The following MAGI1 variants were observed in gnomAD, a reference collection of about 807,000 sequenced individuals.
MAGI1 encodes the protein membrane-associated guanylate kinase, WW and PDZ domain-containing protein 1.
MAGI1 carries 58 observed loss-of-function variants against 139.9 expected under a neutral mutation model. The observed-to-expected ratio is 0.41, with a 90% CI of 0.34 to 0.52. The LOEUF (loss-of-function observed/expected upper bound fraction) is 0.52. MAGI1 is among the 20% of genes least tolerant of loss of function. The probability of loss-of-function intolerance (pLI) is 0.12; values close to 1 mark genes in which losing one functional copy is unlikely to be tolerated. For missense variants in MAGI1, 1,874 were observed against 1,901.6 expected, an observed-to-expected ratio of 0.99 and a Z score of 0.27; for synonymous variants, 812 against 737.9, an observed-to-expected ratio of 1.10 and a Z score of -1.63.
In MAGI1 at chr3:65,493,077, C is replaced by CAA. The variant is rs11412426; in HGVS notation, c.550+433_550+434dup. Among the ~76,000 whole-genome samples the CAA allele has an allele frequency of 9.7e-3, 1,061 of 109,782 alleles. 24 individuals carry two copies. Among genetic ancestry groups the CAA allele is most frequent in the African/African-American group, 0.031 (865 of 27,490 alleles). 72.0% of individuals were successfully genotyped at this position (109,782 alleles called of 152,430 possible). On this transcript the variant is annotated intron_variant, in intron 3 of 22. Transcript: ENST00000402939. Reference sequence around the variant, plus strand: ...TGGGCGACAGAGCGAGACTCCGTCTCAAAAAAAAAAAAAAAAAAGTTTGCT... The same window carrying CAA: ...TGGGCGACAGAGCGAGACTCCGTCTCAAAAAAAAAAAAAAAAAAAAGTTTGCT...
At chr3:65,531,676 AGCATTAAGAACATACACGCCTTG>A (rs2078718716) in intron 2 of MAGI1, among the ~76,000 whole-genome samples, 1 of 152,176 alleles carries the variant, frequency 6.6e-6, no homozygotes, top group Admixed American at 6.5e-5. Flanking sequence ...GGAATAAAAT[AGCATTAAGAACATACACGCCTTG>A]GGGCCAGACT....
chr3:65,716,160 T>C (rs1343455238), intron 1 of MAGI1, among the ~76,000 whole-genome samples: 1 of 152,222 alleles, frequency 6.6e-6, no homozygotes, highest in African/African-American at 2.4e-5. Flanking sequence ...TTAGACACCA[T>C]CTTCTTAGGA....
chr3:65,706,773 C>T (rs1272038069), intron 1 of MAGI1, among the ~76,000 whole-genome samples: 1 of 151,984 alleles, frequency 6.6e-6, no homozygotes, highest in Non-Finnish European at 1.5e-5. Context: ...GTGGGGGGAA[C>T]AGTATGGGAT....
At chr3:65,939,326 AT>A (rs1368072248) in intron 1 of MAGI1, among the ~76,000 whole-genome samples, 1 of 152,218 alleles carries the variant, frequency 6.6e-6, no homozygotes, top group African/African-American at 2.4e-5. Flanking sequence ...TTATTAAAAA[AT>A]ATACAAACAT....
chr3:65,422,633 C>A (rs560348205), intron 12 of MAGI1, among the ~76,000 whole-genome samples: 1 of 152,086 alleles, frequency 6.6e-6, no homozygotes, highest in East Asian at 1.9e-4. Flanking sequence ...GTGATTGCAA[C>A]CAAGTCCCTT....
chr3:65,525,831 A>G (rs2078354249), intron 2 of MAGI1, among the ~76,000 whole-genome samples: 1 of 152,208 alleles, frequency 6.6e-6, no homozygotes, highest in South Asian at 2.1e-4. Context: ...ACAAGTATAC[A>G]ATTAGTAGGT....
intron 2 of MAGI1, among the ~76,000 whole-genome samples, chr3:65,547,637 G>A (rs2079566598): frequency 2.0e-5 from 3 of 152,058 alleles, no homozygotes; most frequent in Admixed American, 6.5e-5. Flanking sequence ...ATTCAAATCC[G>A]AGCACAGTCA....
chr3:65,973,521 A>G (rs1269686090), intron 1 of MAGI1, among the ~76,000 whole-genome samples: 1 of 152,234 alleles, frequency 6.6e-6, no homozygotes, highest in Non-Finnish European at 1.5e-5. Context: ...AATGTCTCCT[A>G]GCCAAACTAT....
chr3:65,911,009 C>T (rs1321827489), intron 1 of MAGI1, among the ~76,000 whole-genome samples: 5 of 151,560 alleles, frequency 3.3e-5, no homozygotes, highest in Admixed American at 6.6e-5. Context: ...AGGTGCACGC[C>T]AGCACACCCG....
At chr3:65,585,380 G>C (rs2081624277) in intron 2 of MAGI1, among the ~76,000 whole-genome samples, 2 of 152,076 alleles carry the variant, frequency 1.3e-5, no homozygotes, top group Admixed American at 6.6e-5. Flanking sequence ...CTTCACAAAA[G>C]AAAATATACA....
At chr3:65,361,134 G>A (rs765048727) in intron 22 of MAGI1, 65 bp downstream of exon 22, 22 of 1,613,776 alleles carry the variant, frequency 1.4e-5, no homozygotes, top group East Asian at 4.5e-5. Context: ...TCCTGCTGCC[G>A]TTCTGGAGAC....
intron 2 of MAGI1, among the ~76,000 whole-genome samples, chr3:65,564,117 C>G (rs895261992): frequency 6.6e-6 from 1 of 152,118 alleles, no homozygotes; most frequent in African/African-American, 2.4e-5. Context: ...CCCATTGTTT[C>G]ACTCTTCTCA....
chr3:65,605,823 T>C (rs756157508), intron 2 of MAGI1, among the ~76,000 whole-genome samples: 4 of 152,134 alleles, frequency 2.6e-5, no homozygotes, highest in Non-Finnish European at 4.4e-5. Context: ...CTAGGAAACA[T>C]CAAATATTTT....
chr3:65,624,601 G>A (rs2083866732), intron 1 of MAGI1, among the ~76,000 whole-genome samples: 1 of 152,202 alleles, frequency 6.6e-6, no homozygotes, highest in South Asian at 2.1e-4. Context: ...AATTTATAGT[G>A]AGAGAAAACA....
intron 22 of MAGI1, among the ~76,000 whole-genome samples, chr3:65,358,800 C>T (rs546528567): frequency 1.9e-4 from 29 of 152,162 alleles, no homozygotes; most frequent in African/African-American, 5.5e-4. Context: ...GGGTTGGCTA[C>T]GAGAATGAAC....
intron 1 of MAGI1, among the ~76,000 whole-genome samples, chr3:65,682,666 T>C (rs2087676630): frequency 6.6e-6 from 1 of 152,068 alleles, no homozygotes; most frequent in African/African-American, 2.4e-5. Context: ...GAAAAAAATC[T>C]TTAGGATATA....
intron 1 of MAGI1, among the ~76,000 whole-genome samples, chr3:65,887,362 A>G (rs1398380823): frequency 2.7e-5 from 4 of 147,252 alleles, no homozygotes; most frequent in Middle Eastern, 3.2e-3. Context: ...AGCACATATT[A>G]GAACTCTGTA....
chr3:65,873,055 A>C (rs191518399), intron 1 of MAGI1: 1 of 152,186 alleles, frequency 6.6e-6, no homozygotes, highest in Non-Finnish European at 1.5e-5. Context: ...TGTATTCCAG[A>C]CTTCAATTCT....
intron 16 of MAGI1, 109 bp from the exon 17 acceptor site, chr3:65,379,663 G>T: frequency 6.6e-7 from 1 of 1,505,374 alleles, no homozygotes; most frequent in South Asian, 1.3e-5. Flanking sequence ...GTGAACCGAG[G>T]GGAGGAGACA....
Sources: allele counts gnomAD v4.1 joint callset (sites outside exome capture counted in the v4.1 genomes callset), GRCh38; gene constraint gnomAD v4.1.1; transcripts MANE v1.5; gene names NCBI Gene and HGNC (gene_info 2026-07-23, HGNC 2026-07-21).